Variants in GLIS3 observed in about 807,000 individuals in gnomAD.
The protein encoded by GLIS3 is zinc finger protein GLIS3.
In GLIS3, 53 loss-of-function variants were observed where a neutral mutation model predicts 78.6. That is an observed-to-expected ratio of 0.67 (90% confidence interval 0.54 to 0.85). The LOEUF (loss-of-function observed/expected upper bound fraction) is 0.85. Among genes scored for constraint, GLIS3 ranks in the 40% least tolerant of loss-of-function variants. GLIS3 has a pLI of 0.00. For synonymous variants in GLIS3, 684 were observed against 509.9 expected (o/e 1.34, Z -4.60); for missense variants, 1,703 against 1,231.1 (o/e 1.38, Z -5.74).
chr9:4,352,220 G>A (rs1024692297), upstream of GLIS3, among the ~76,000 whole-genome samples: 1 of 152,194 alleles, frequency 6.6e-6, no homozygotes, highest in Non-Finnish European at 1.5e-5. Flanking sequence ...GTAAAACTCA[G>A]GCGACACCCA....
chr9:4,384,199 G>A, the GLIS3 span, among the ~76,000 whole-genome samples: 3 of 152,188 alleles, frequency 2.0e-5, no homozygotes. Flanking sequence ...GAGCACACTG[G>A]TGGTGAACAC....
Position 3,977,287 on chromosome 9 carries a change from G to A in GLIS3, c.1711-40098C>T, listed in dbSNP as rs1435856993. ...TTATACACCAAGCAATGTTTAAAAT[G>A]TAAGGACCGAGAGGAAAGCTCTTGG... On this transcript the variant is annotated intron_variant, in intron 4 of 10. Transcript: ENST00000381971. This position sits in a 1 kb window ranked among gnomAD's most constrained non-coding sequence, Gnocchi z 4.1. 1.3e-5 allele frequency among the ~76,000 whole-genome samples: 2 copies of A among 152,182 alleles called. No homozygotes were observed. Among genetic ancestry groups the A allele is most frequent in the African/African-American group, 2.4e-5 (1 of 41,442 alleles).
chr9:4,114,654 A>G (rs1831492158), intron 4 of GLIS3, among the ~76,000 whole-genome samples: 1 of 152,152 alleles, frequency 6.6e-6, no homozygotes, highest in African/African-American at 2.4e-5. Flanking sequence ...TTAAAATGTA[A>G]TATTGGCATA....
At chr9:4,413,806 C>A in the GLIS3 span, among the ~76,000 whole-genome samples, 1 of 152,068 alleles carries the variant, frequency 6.6e-6, no homozygotes. Flanking sequence ...CCAAAAGAGC[C>A]AGTTTCATTT....
At chr9:3,953,298 T>A (rs1816823540) in intron 4 of GLIS3, among the ~76,000 whole-genome samples, 1 of 152,236 alleles carries the variant, frequency 6.6e-6, no homozygotes, top group Non-Finnish European at 1.5e-5. Flanking sequence ...TGAGAAATTG[T>A]TACATATGCA....
intron 2 of GLIS3, among the ~76,000 whole-genome samples, chr9:4,346,287 T>C (rs1405156762): frequency 6.6e-6 from 1 of 152,210 alleles, no homozygotes; most frequent in Non-Finnish European, 1.5e-5. Flanking sequence ...TCTCTCTTGA[T>C]GCAGCCTAGC....
chr9:4,059,827 TGTGAGAGA>T (rs1234833958), intron 4 of GLIS3, among the ~76,000 whole-genome samples: 13 of 106,822 alleles, frequency 1.2e-4, no homozygotes, highest in East Asian at 9.3e-4. Context: ...TGTGTGTGTG[TGTGAGAGA>T]GAGAGAGAGA....
chr9:3,928,603 C>T (rs1233203017), intron 6 of GLIS3, among the ~76,000 whole-genome samples: 9 of 152,132 alleles, frequency 5.9e-5, no homozygotes, highest in Non-Finnish European at 1.5e-5. Flanking sequence ...CAAAAGTTAC[C>T]AGTTCTCTAT....
intron 2 of GLIS3, among the ~76,000 whole-genome samples, chr9:4,247,634 A>G (rs933188540): frequency 1.3e-5 from 2 of 152,162 alleles, no homozygotes; most frequent in African/African-American, 4.8e-5. Context: ...CATTTGGGGA[A>G]AGATACAGAC....
the GLIS3 span, among the ~76,000 whole-genome samples, chr9:4,449,135 C>T: frequency 3.1e-4 from 47 of 152,282 alleles, no homozygotes; most frequent in Admixed American, 1.8e-3. Flanking sequence ...ACTTTTCCAA[C>T]GGTCTTAGCA....
intron 2 of GLIS3, among the ~76,000 whole-genome samples, chr9:4,269,403 T>C (rs1826303549): frequency 2.6e-5 from 4 of 152,246 alleles, no homozygotes; most frequent in African/African-American, 9.6e-5. Context: ...GCTACACTTA[T>C]ACTGCCAGCT....
At chr9:4,014,672 C>T (rs931805108) in intron 4 of GLIS3, among the ~76,000 whole-genome samples, 5 of 152,196 alleles carry the variant, frequency 3.3e-5, no homozygotes, top group African/African-American at 1.2e-4. Context: ...AAACTTCTAG[C>T]CTGTGAACTG....
chr9:4,435,841 T>C, the GLIS3 span, among the ~76,000 whole-genome samples: 16 of 151,970 alleles, frequency 1.1e-4, no homozygotes, highest in East Asian at 3.9e-4. Flanking sequence ...CCCAGCTACT[T>C]GGGAGGCTGA....
intron 2 of GLIS3, among the ~76,000 whole-genome samples, chr9:4,201,509 C>G (rs1018532035): frequency 6.6e-6 from 1 of 152,110 alleles, no homozygotes; most frequent in Non-Finnish European, 1.5e-5. Flanking sequence ...AATCACTGTA[C>G]AAAAGTCCGT....
At chr9:4,194,662 A>C (rs1043887829) in intron 2 of GLIS3, among the ~76,000 whole-genome samples, 2 of 152,150 alleles carry the variant, frequency 1.3e-5, no homozygotes, top group Admixed American at 1.3e-4. Flanking sequence ...GAATAGAGAC[A>C]AACAGCCCCC....
chr9:4,123,400 C>T lies in GLIS3; in HGVS notation c.596+2334G>A, dbSNP rs976155524. ...AAGCCTCAAAACTCTTTTAACACAA[C>T]AAATTTTACTTTTAAGAATTTATTC... On this transcript the variant is annotated intron_variant, in intron 3 of 10. Transcript: ENST00000381971. Among the ~76,000 whole-genome samples the T allele has an allele frequency of 2.6e-5, 4 of 152,200 alleles. No individual in the cohort carries two copies. The East Asian group carries it at 7.7e-4, about 29-fold the overall frequency.
chr9:4,324,751 T>G (rs543269957), intron 2 of GLIS3, among the ~76,000 whole-genome samples: 1 of 152,226 alleles, frequency 6.6e-6, no homozygotes, highest in Non-Finnish European at 1.5e-5. Context: ...AATCACTTGA[T>G]TTGCTTTGTA....
the GLIS3 span, among the ~76,000 whole-genome samples, chr9:4,489,770 G>C: frequency 6.6e-6 from 1 of 152,180 alleles, no homozygotes; most frequent in African/African-American, 2.4e-5. Context: ...TGTGGTCACA[G>C]AGCAAGTCCC....
At chr9:4,153,202 AT>A (rs1267244523) in intron 2 of GLIS3, among the ~76,000 whole-genome samples, 2 of 152,236 alleles carry the variant, frequency 1.3e-5, no homozygotes, top group Non-Finnish European at 2.9e-5. Flanking sequence ...GCCTTTCCTT[AT>A]TCACTACCTT....
Sources: gnomAD v4.1 joint callset for allele counts (sites outside exome capture counted in the v4.1 genomes callset) on GRCh38, gnomAD v4.1.1 for gene constraint, Gnocchi (gnomAD v3.1) non-coding constraint, MANE v1.5 for transcripts, NCBI Gene and HGNC (gene_info 2026-07-23, HGNC 2026-07-21) for gene names.